Variants in THSD7A observed in about 807,000 individuals in gnomAD.
THSD7A encodes the protein thrombospondin type-1 domain-containing protein 7A.
Under a neutral mutation model 231.3 loss-of-function variants are expected in THSD7A, and 96 were observed. That is an observed-to-expected ratio of 0.41 (90% CI 0.35 to 0.49). The LOEUF (loss-of-function observed/expected upper bound fraction) is 0.49. Among genes scored for constraint, THSD7A ranks in the 20% least tolerant of loss-of-function variants. The pLI is 0.05. For synonymous variants in THSD7A, 940 were observed against 743.3 expected (o/e 1.26, Z -4.30); for missense variants, 2,290 against 2,070.2 (o/e 1.11, Z -2.06).
intron 1 of THSD7A, among the ~76,000 whole-genome samples, chr7:11,655,623 A>G (rs145850863): frequency 1.6e-3 from 239 of 152,026 alleles, no homozygotes; most frequent in African/African-American, 5.4e-3. Flanking sequence ...AAAACTAGTA[A>G]AGAAAATAAA....
chr7:11,658,498 T>C (rs547520100), intron 1 of THSD7A, among the ~76,000 whole-genome samples: 135 of 151,750 alleles, frequency 8.9e-4, no homozygotes, highest in Non-Finnish European at 1.5e-3. Flanking sequence ...TTTTCTTCAG[T>C]GTCACAATGT....
chr7:11,636,363 G>A lies in THSD7A; in HGVS notation c.789C>T (p.Cys263=). The stretch of plus-strand genomic sequence containing the variant: ...TTACTTGTCGGGAGTGGGGCATTGA[G>A]CAGGTGCTCCAGGGCCCCACATGCA... ...YSLHVGPWST[C]SMPHSRQVRQ... is the part of the protein sequence containing the mutation. The change falls in exon 2 of 28, where the codon TGC becomes TGT. Residue 263 remains cysteine (C), a synonymous_variant. Coordinates refer to ENST00000423059, the MANE Select transcript of THSD7A (RefSeq NM_015204.3). The surrounding 1 kb of genome is among the most constrained non-coding windows in gnomAD (Gnocchi z 10.0). 2 of 1,613,858 alleles carry A rather than the reference G, an allele frequency of 1.2e-6. No homozygotes were observed. Among genetic ancestry groups the A allele is most frequent in the Non-Finnish European group, 1.7e-6 (2 of 1,179,896 alleles).
chr7:11,493,391 C>T (rs1417286174), intron 6 of THSD7A, among the ~76,000 whole-genome samples: 1 of 152,104 alleles, frequency 6.6e-6, no homozygotes, highest in Non-Finnish European at 1.5e-5. Flanking sequence ...GTCTAGCTCA[C>T]ACGTTTCAAA....
intron 6 of THSD7A, among the ~76,000 whole-genome samples, chr7:11,530,958 C>T (rs949992525): frequency 3.9e-5 from 6 of 152,112 alleles, no homozygotes; most frequent in Non-Finnish European, 7.4e-5. Context: ...TTGCAGTGAG[C>T]TGAGATCGTG....
At chr7:11,762,298 A>G (rs1399609460) in intron 1 of THSD7A, among the ~76,000 whole-genome samples, 2 of 152,116 alleles carry the variant, frequency 1.3e-5, no homozygotes, top group African/African-American at 4.8e-5. Flanking sequence ...ATTGTTAGTT[A>G]TTTGAGACAC....
intron 1 of THSD7A, among the ~76,000 whole-genome samples, chr7:11,764,023 T>C (rs143532181): frequency 7.4e-4 from 113 of 152,326 alleles, no homozygotes; most frequent in African/African-American, 2.6e-3. Flanking sequence ...ATCCTTTCTC[T>C]GTTTTTCCTT....
intron 15 of THSD7A, 71 bp from the exon 16 acceptor site, chr7:11,424,900 A>G (rs1784269037): frequency 3.8e-6 from 6 of 1,565,124 alleles, no homozygotes; most frequent in Non-Finnish European, 5.2e-6. Context: ...TCCACACCAT[A>G]ACAGCAATCA....
chr7:11,629,684 C>T (rs1269739502), intron 2 of THSD7A, among the ~76,000 whole-genome samples: 14 of 152,146 alleles, frequency 9.2e-5, no homozygotes, highest in Admixed American at 9.2e-4. Context: ...TGCAGTTACT[C>T]CCAAGACTGC....
chr7:11,737,367 C>A (rs754261734), intron 1 of THSD7A, among the ~76,000 whole-genome samples: 167 of 151,896 alleles, frequency 1.1e-3, no homozygotes, highest in Non-Finnish European at 1.5e-3. Context: ...CACGGTGAGG[C>A]TCTTAGCCAG....
chr7:11,744,135 T>G (rs1782198147), intron 1 of THSD7A, among the ~76,000 whole-genome samples: 1 of 151,882 alleles, frequency 6.6e-6, no homozygotes, highest in Non-Finnish European at 1.5e-5. Flanking sequence ...CATACCATGT[T>G]GGATACCTGC....
At chr7:11,678,359 G>A (rs1783726059) in intron 1 of THSD7A, among the ~76,000 whole-genome samples, 2 of 152,102 alleles carry the variant, frequency 1.3e-5, no homozygotes, top group African/African-American at 4.8e-5. Context: ...CAGAACTGAA[G>A]GAGATAGAGA....
chr7:11,812,684 A>G (rs994492253), intron 1 of THSD7A, among the ~76,000 whole-genome samples: 2 of 152,208 alleles, frequency 1.3e-5, no homozygotes, highest in African/African-American at 4.8e-5. Flanking sequence ...TGCTAATTTA[A>G]GTCTTGGAGA....
chr7:11,440,528 G>A (rs1422420142), intron 13 of THSD7A, among the ~76,000 whole-genome samples: 1 of 152,058 alleles, frequency 6.6e-6, no homozygotes, highest in Non-Finnish European at 1.5e-5. Context: ...ATGATTCATG[G>A]AAGGAGGTCA....
intron 1 of THSD7A, among the ~76,000 whole-genome samples, chr7:11,723,721 A>G (rs541697798): frequency 2.6e-5 from 4 of 152,002 alleles, no homozygotes; most frequent in African/African-American, 9.6e-5. Context: ...GAGCATTTCA[A>G]TAGAGGAAAT....
At chr7:11,395,954 A>G (rs996294409) in intron 23 of THSD7A, among the ~76,000 whole-genome samples, 1 of 152,226 alleles carries the variant, frequency 6.6e-6, no homozygotes, top group Non-Finnish European at 1.5e-5. Flanking sequence ...TCTCAGACAC[A>G]GTACAATCAA....
chr7:11,797,074 A>T (rs911251712), intron 1 of THSD7A, among the ~76,000 whole-genome samples: 2 of 152,186 alleles, frequency 1.3e-5, no homozygotes, highest in Non-Finnish European at 2.9e-5. Context: ...CTCCCCAGAC[A>T]TCCTGGGAAT....
chr7:11,677,006 G>A (rs1028083988), intron 1 of THSD7A, among the ~76,000 whole-genome samples: 11 of 152,112 alleles, frequency 7.2e-5, no homozygotes, highest in African/African-American at 2.7e-4. Context: ...AATGTTAAGG[G>A]CAGTGAGAGA....
At chr7:11,643,087 C>G (rs761563070) in intron 1 of THSD7A, among the ~76,000 whole-genome samples, 3 of 152,004 alleles carry the variant, frequency 2.0e-5, no homozygotes, top group Non-Finnish European at 2.9e-5. Flanking sequence ...ATTATGAGAA[C>G]TACTTTTTGT....
At chr7:11,565,482 T>C (rs914194664) in intron 4 of THSD7A, among the ~76,000 whole-genome samples, 13 of 152,156 alleles carry the variant, frequency 8.5e-5, no homozygotes, top group African/African-American at 2.9e-4. Flanking sequence ...GAACACAAGG[T>C]TACCTGTTAG....
Sources: gnomAD v4.1 joint callset for allele counts (sites outside exome capture counted in the v4.1 genomes callset) on GRCh38, gnomAD v4.1.1 for gene constraint, Gnocchi (gnomAD v3.1) non-coding constraint, MANE v1.5 for transcripts, NCBI Gene and HGNC (gene_info 2026-07-23, HGNC 2026-07-21) for gene names.